CD53: variants seen among roughly 807,000 people sequenced by gnomAD.
The protein encoded by CD53 is CD53 molecule.
In CD53, 20 loss-of-function variants were observed where a neutral mutation model predicts 27.3. The observed-to-expected ratio is 0.73, with a 90% confidence interval of 0.52 to 1.07. CD53 has a LOEUF of 1.07. Ranked by LOEUF, CD53 falls within the 50% of genes least tolerant of loss-of-function variation. The pLI, the probability that CD53 is intolerant of heterozygous loss-of-function variation, is 0.00. For missense variants in CD53, 216 were observed against 264.0 expected, an observed-to-expected ratio of 0.82 and a Z score of 1.26; for synonymous variants, 106 against 105.3, an observed-to-expected ratio of 1.01 and a Z score of -0.04.
Position 110,891,487 on chromosome 1 carries a change from C to T in CD53, c.63+16C>T. The T allele has an allele frequency of 6.2e-7, 1 of 1,603,830 alleles. No homozygotes were observed. Among genetic ancestry groups the T allele is most frequent in the Non-Finnish European group, 8.5e-7 (1 of 1,170,736 alleles). Reference sequence around the variant, plus strand: ...GCTCTTTTGGGTAAGTGTATCTCTTCTGAGCACGGTTTAGCTCACCTTTAC... The same window carrying T: ...GCTCTTTTGGGTAAGTGTATCTCTTTTGAGCACGGTTTAGCTCACCTTTAC... On this transcript the variant is annotated intron_variant, in intron 2 of 7. Coordinates refer to ENST00000271324, the MANE Select transcript of CD53 (RefSeq NM_000560.4).
rs567809322 is a variant in CD53 at position 110,893,550 on chromosome 1, G to A, written c.253-777G>A. Among the ~76,000 whole-genome samples, 26 of 152,322 alleles carry A rather than the reference G, an allele frequency of 1.7e-4. No individual in the cohort carries two copies. The East Asian group carries it at 4.4e-3, about 26-fold the overall frequency. ...TTGGTCAAGCTGGTCTCTAACTCCC[G>A]ACTTTAGGTGATCCACCTGCCTCGG... On this transcript the variant is annotated intron_variant, in intron 3 of 7. Transcript: ENST00000271324.
chr1:110,880,426 G>C (rs1183947643), intron 1 of CD53: 1 of 152,140 alleles, frequency 6.6e-6, no homozygotes, highest in African/African-American at 2.4e-5. Context: ...TGTCTGTGAA[G>C]GAAAGAATCA....
intron 1 of CD53, among the ~76,000 whole-genome samples, chr1:110,875,279 C>T (rs1315764890): frequency 6.6e-6 from 1 of 152,166 alleles, no homozygotes; most frequent in Admixed American, 6.5e-5. Flanking sequence ...AAAGCCCTTT[C>T]TCCTACTTGG....
chr1:110,893,040 T>C (rs1388618875), intron 3 of CD53, among the ~76,000 whole-genome samples: 1 of 152,180 alleles, frequency 6.6e-6, no homozygotes, highest in Non-Finnish European at 1.5e-5. Flanking sequence ...GCTGCAGCCA[T>C]TGAGGTCTAA....
At chr1:110,880,502 G>A (rs931990769) in intron 1 of CD53, among the ~76,000 whole-genome samples, 6 of 152,224 alleles carry the variant, frequency 3.9e-5, no homozygotes, top group East Asian at 1.9e-4. Flanking sequence ...CAGGTTACAC[G>A]GGCCTGAACT....
At chr1:110,897,670 G>A (rs1291498044) in intron 6 of CD53, 139 bp from the exon 7 acceptor site, 4 of 492,652 alleles carry the variant, frequency 8.1e-6, no homozygotes, top group African/African-American at 3.9e-5. Flanking sequence ...CTTCATTCAC[G>A]CAAAGAAAAT....
intron 1 of CD53, among the ~76,000 whole-genome samples, chr1:110,888,939 T>C (rs1290368311): frequency 6.6e-5 from 10 of 152,196 alleles, no homozygotes. Context: ...GAAATATTCT[T>C]TGATCAACCC....
chr1:110,893,409 G>A (rs924147453), intron 3 of CD53, among the ~76,000 whole-genome samples: 6 of 152,096 alleles, frequency 3.9e-5, no homozygotes, highest in African/African-American at 9.7e-5. Flanking sequence ...CACAGCCTCC[G>A]CCTCCCGGGT....
At chr1:110,875,002 T>C (rs1180689558) in intron 1 of CD53, among the ~76,000 whole-genome samples, 1 of 152,174 alleles carries the variant, frequency 6.6e-6, no homozygotes, top group Non-Finnish European at 1.5e-5. Flanking sequence ...CACAGCAATA[T>C]ACAAATACAG....
At chr1:110,897,930 T>A (rs892361270) in intron 7 of CD53, 38 bp downstream of exon 7, 1 of 1,207,462 alleles carries the variant, frequency 8.3e-7, no homozygotes, top group South Asian at 1.3e-5. Flanking sequence ...GAGGATTACA[T>A]GAGTTAAGTC....
chr1:110,890,851 C>G (rs1323320121), intron 1 of CD53, among the ~76,000 whole-genome samples: 3 of 152,210 alleles, frequency 2.0e-5, no homozygotes, highest in African/African-American at 7.2e-5. Context: ...ACATCTAGAA[C>G]AGAAAACATA....
Position 110,894,860 on chromosome 1 carries a change from G to C in CD53, c.328-100G>C, listed in dbSNP as rs1570911649. 3 of 848,330 alleles carry C rather than the reference G, an allele frequency of 3.5e-6. No homozygotes were observed. In the African/African-American group the frequency reaches 4.9e-5, roughly 14 times the overall value. 52.6% of individuals were successfully genotyped at this position (848,330 alleles called of 1,614,324 possible). ...TAGTTCTGAGGAGACCATTTGGAAG[G>C]GAAGCGCAAGTGGAACCACTAACCT... is the stretch of plus-strand genomic sequence containing the variant. On this transcript the variant is annotated intron_variant, in intron 4 of 7. Coordinates refer to ENST00000271324, the MANE Select transcript of CD53 (RefSeq NM_000560.4).
intron 1 of CD53, among the ~76,000 whole-genome samples, chr1:110,876,746 A>C (rs1365510916): frequency 1.3e-5 from 2 of 152,168 alleles, no homozygotes; most frequent in African/African-American, 4.8e-5. Flanking sequence ...AGAATCCCTT[A>C]GATCATTTAT....
intron 1 of CD53, among the ~76,000 whole-genome samples, chr1:110,889,441 C>G (rs962469310): frequency 1.3e-5 from 2 of 152,030 alleles, no homozygotes; most frequent in African/African-American, 4.8e-5. Context: ...CGCCTGTAAC[C>G]CAGCTACTCG....
At chr1:110,896,600 T>C in intron 5 of CD53, 53 bp from the exon 6 acceptor site, 2 of 1,560,616 alleles carry the variant, frequency 1.3e-6, no homozygotes, top group Non-Finnish European at 1.8e-6. Flanking sequence ...GTCCACAGCT[T>C]TTTTTCACTG....
intron 6 of CD53, among the ~76,000 whole-genome samples, chr1:110,897,257 C>A (rs1249583707): frequency 1.3e-5 from 2 of 152,156 alleles, no homozygotes; most frequent in African/African-American, 4.8e-5. Context: ...TGAGAAGAAG[C>A]CACAACTATC....
At chr1:110,890,223 C>T (rs6674671) in intron 1 of CD53, among the ~76,000 whole-genome samples, 1 of 151,854 alleles carries the variant, frequency 6.6e-6, no homozygotes, top group Non-Finnish European at 1.5e-5. Flanking sequence ...GTCCTGTGCA[C>T]GGTTTTAAAA....
At chr1:110,897,039 C>A (rs1038488099) in intron 6 of CD53, among the ~76,000 whole-genome samples, 1 of 152,166 alleles carries the variant, frequency 6.6e-6, no homozygotes, top group Non-Finnish European at 1.5e-5. Context: ...AGAAGTAGGT[C>A]TCCTTATGGT....
At chr1:110,886,911 T>C (rs1291771721) in intron 1 of CD53, among the ~76,000 whole-genome samples, 2 of 147,252 alleles carry the variant, frequency 1.4e-5, no homozygotes, top group Non-Finnish European at 3.0e-5. Flanking sequence ...TATTTTCTCT[T>C]GCCGTCTTCA....
Sources: gnomAD v4.1 joint callset for allele counts (sites outside exome capture counted in the v4.1 genomes callset) on GRCh38, gnomAD v4.1.1 for gene constraint, MANE v1.5 for transcripts, NCBI Gene and HGNC (gene_info 2026-07-23, HGNC 2026-07-21) for gene names.